Variants in CRIM1 observed in about 807,000 individuals in gnomAD.
CRIM1 encodes the protein cysteine rich transmembrane BMP regulator 1.
CRIM1 carries 32 observed loss-of-function variants against 116.4 expected under a neutral mutation model. The observed-to-expected ratio is 0.27, with a 90% CI of 0.21 to 0.37. CRIM1 has a LOEUF of 0.37. Ranked by LOEUF, CRIM1 falls within the 10% of genes least tolerant of loss-of-function variation. The probability of loss-of-function intolerance (pLI) is 1.00; values close to 1 mark genes in which losing one functional copy is unlikely to be tolerated. For synonymous variants in CRIM1, 590 were observed against 509.2 expected (o/e 1.16, Z -2.13); for missense variants, 1,331 against 1,354.8 (o/e 0.98, Z 0.28).
intron 2 of CRIM1, among the ~76,000 whole-genome samples, chr2:36,417,055 C>G (rs759678321): frequency 5.3e-5 from 8 of 152,162 alleles, no homozygotes; most frequent in Non-Finnish European, 1.0e-4. Flanking sequence ...ACCGTCCACC[C>G]AGAATCCCGC....
chr2:36,359,164 T>C (rs1003608392), intron 1 of CRIM1, among the ~76,000 whole-genome samples: 2 of 152,222 alleles, frequency 1.3e-5, no homozygotes, highest in Non-Finnish European at 1.5e-5. Context: ...GGAATCAATA[T>C]ATTTTATTCA....
intron 14 of CRIM1, among the ~76,000 whole-genome samples, chr2:36,540,529 G>A (rs1666875454): frequency 6.8e-6 from 1 of 146,346 alleles, no homozygotes. Context: ...TGCCTCTAAG[G>A]TCAAGGCCAG....
chr2:36,485,583 C>G (rs1258073127), intron 7 of CRIM1, among the ~76,000 whole-genome samples: 1 of 152,072 alleles, frequency 6.6e-6, no homozygotes, highest in Non-Finnish European at 1.5e-5. Flanking sequence ...TTCTTTGAAA[C>G]AAGAAAAAAT....
chr2:36,544,628 G>A (rs529077823), intron 15 of CRIM1, 130 bp downstream of exon 15: 21 of 962,750 alleles, frequency 2.2e-5, no homozygotes, highest in Middle Eastern at 6.8e-4. Flanking sequence ...AACTATTCCC[G>A]GGCAGACCTG....
intron 6 of CRIM1, among the ~76,000 whole-genome samples, chr2:36,477,516 G>C (rs965549787): frequency 6.6e-6 from 1 of 152,154 alleles, no homozygotes. Context: ...TGCCACTGTC[G>C]TAATACCCAG....
intron 2 of CRIM1, among the ~76,000 whole-genome samples, chr2:36,413,841 G>C (rs1471345938): frequency 6.6e-6 from 1 of 152,068 alleles, no homozygotes; most frequent in Non-Finnish European, 1.5e-5. Context: ...ATTTGGATGG[G>C]GGTGCTCTAT....
intron 1 of CRIM1, among the ~76,000 whole-genome samples, chr2:36,376,471 G>T (rs949233947): frequency 6.6e-6 from 1 of 152,226 alleles, no homozygotes; most frequent in Non-Finnish European, 1.5e-5. Flanking sequence ...CAACTCGCAT[G>T]AGCGGGAGGA....
At chr2:36,462,609 G>A (rs1462724827) in intron 4 of CRIM1, among the ~76,000 whole-genome samples, 2 of 152,194 alleles carry the variant, frequency 1.3e-5, no homozygotes, top group African/African-American at 2.4e-5. Flanking sequence ...CCTGGAGCAC[G>A]TGTGTAGGCA....
chr2:36,469,510 A>C (rs952311825), intron 5 of CRIM1, among the ~76,000 whole-genome samples: 1 of 152,192 alleles, frequency 6.6e-6, no homozygotes, highest in Non-Finnish European at 1.5e-5. Context: ...AAGTAATCTT[A>C]TGTTGGCCCT....
intron 1 of CRIM1, among the ~76,000 whole-genome samples, chr2:36,385,761 C>G (rs925942016): frequency 2.0e-5 from 3 of 152,196 alleles, no homozygotes; most frequent in South Asian, 4.1e-4. Flanking sequence ...TTCTTCAGCT[C>G]CTCATGTCCC....
intron 14 of CRIM1, among the ~76,000 whole-genome samples, chr2:36,543,326 A>G (rs927718790): frequency 6.6e-5 from 10 of 152,334 alleles, no homozygotes; most frequent in African/African-American, 2.4e-4. Flanking sequence ...TCTCAAAGTC[A>G]TCTTAAGGTT....
At chr2:36,407,806 A>G (rs1672925008) in intron 2 of CRIM1, among the ~76,000 whole-genome samples, 1 of 152,180 alleles carries the variant, frequency 6.6e-6, no homozygotes, top group South Asian at 2.1e-4. Flanking sequence ...ACATTAGGTT[A>G]CAAAAAGGAT....
At chr2:36,463,390 A>G (rs1043799339) in intron 4 of CRIM1, among the ~76,000 whole-genome samples, 4 of 152,220 alleles carry the variant, frequency 2.6e-5, no homozygotes, top group African/African-American at 9.7e-5. Context: ...GAATGTATTG[A>G]TAGTTTTCCC....
At position 36,513,544 on chromosome 2, in the gene CRIM1, T is replaced by A; in HGVS notation, c.1781-12T>A. ...AGCCACTTCTTTACCAGGCTGCCTT[T>A]TGTCTGTCCAGAGGCCTCTGCTTCA... On this transcript the variant is annotated splice_polypyrimidine_tract_variant and intron_variant, in intron 10 of 16. Transcript: ENST00000280527. The A allele has an allele frequency of 6.2e-7, 1 of 1,613,256 alleles. No homozygotes were observed. Among genetic ancestry groups the A allele is most frequent in the Non-Finnish European group, 8.5e-7 (1 of 1,179,302 alleles).
chr2:36,513,686 G>A lies in CRIM1; in HGVS notation c.1911G>A (p.Met637Ile). 1.2e-6 allele frequency: 2 copies of A among 1,614,254 alleles called. No homozygotes were observed. Among genetic ancestry groups the A allele is most frequent in the South Asian group, 1.1e-5 (1 of 91,082 alleles). Residue 637 changes from methionine to isoleucine, a missense_variant, in exon 11 of 17, where the codon ATG (methionine) becomes ATA (isoleucine). By Grantham distance (10) the Met-to-Ile change is conservative. This residue lies in a region of CRIM1 where 358 missense variants were observed against 436.1 expected (regional missense o/e 0.82). Coordinates refer to ENST00000280527, the MANE Select transcript of CRIM1 (RefSeq NM_016441.3). ...RECYCLNGREMCALITCPVPA... is the reference protein window; with the variant it reads ...RECYCLNGREICALITCPVPA... ...GCTACTGTCTCAATGGACGGGAAAT[G>A]TGTGCCCTGATCACCTGCCCGGTGC...
At chr2:36,519,028 T>C (rs1464913334) in intron 12 of CRIM1, among the ~76,000 whole-genome samples, 1 of 152,164 alleles carries the variant, frequency 6.6e-6, no homozygotes, top group African/African-American at 2.4e-5. Context: ...AGGTGTGCCT[T>C]GAAAGGGAGG....
intron 7 of CRIM1, among the ~76,000 whole-genome samples, chr2:36,487,774 G>A (rs1679940103): frequency 6.6e-6 from 1 of 152,046 alleles, no homozygotes; most frequent in African/African-American, 2.4e-5. Context: ...ACACTTATTT[G>A]TAAGTATAAC....
chr2:36,517,733 C>T (rs957675356), intron 12 of CRIM1, among the ~76,000 whole-genome samples, 191 bp downstream of exon 12: 1 of 152,214 alleles, frequency 6.6e-6, no homozygotes, highest in Non-Finnish European at 1.5e-5. Flanking sequence ...ATGCAGTCAG[C>T]ATGCCTCACA....
At chr2:36,385,885 G>T (rs1463132480) in intron 1 of CRIM1, among the ~76,000 whole-genome samples, 1 of 152,202 alleles carries the variant, frequency 6.6e-6, no homozygotes, top group African/African-American at 2.4e-5. Flanking sequence ...CATAGAAAGT[G>T]CTCAGTGAGT....
Sources: allele counts gnomAD v4.1 joint callset (sites outside exome capture counted in the v4.1 genomes callset), GRCh38; gene constraint gnomAD v4.1.1; regional missense constraint gnomAD v4.1.1; transcripts MANE v1.5; gene names NCBI Gene and HGNC (gene_info 2026-07-23, HGNC 2026-07-21).